Variants in ADARB2 observed in about 807,000 individuals in gnomAD.
ADARB2 encodes adenosine deaminase RNA specific B2 (inactive).
In ADARB2, 25 loss-of-function variants were observed where a neutral mutation model predicts 62.2. That is an observed-to-expected ratio of 0.40 (90% confidence interval 0.29 to 0.56). The LOEUF (loss-of-function observed/expected upper bound fraction) is 0.56. Among genes scored for constraint, ADARB2 ranks in the 20% least tolerant of loss-of-function variants. The pLI is 0.43. For missense variants in ADARB2, 1,071 were observed against 1,077.4 expected, an observed-to-expected ratio of 0.99 and a Z score of 0.08; for synonymous variants, 572 against 500.8, an observed-to-expected ratio of 1.14 and a Z score of -1.90.
At chr10:1,211,723 A>G (rs1410547492) in intron 7 of ADARB2, among the ~76,000 whole-genome samples, 1 of 152,204 alleles carries the variant, frequency 6.6e-6, no homozygotes, top group Non-Finnish European at 1.5e-5. Context: ...GAGGTCACTG[A>G]GCAGGTTTGG....
chr10:1,680,217 A>G (rs1375148380), intron 1 of ADARB2, among the ~76,000 whole-genome samples: 1 of 137,114 alleles, frequency 7.3e-6, no homozygotes, highest in Non-Finnish European at 1.6e-5. Context: ...AAACTGCCCT[A>G]CCTATTCTTT....
intron 1 of ADARB2, among the ~76,000 whole-genome samples, chr10:1,724,590 T>A (rs1835139691): frequency 6.6e-6 from 1 of 152,206 alleles, no homozygotes. Context: ...ATGCTCCTCA[T>A]TTCCATGGCC....
In ADARB2 at chr10:1,217,079, G is replaced by A; in HGVS notation, c.1554C>T (p.His518=). Residue 518 remains histidine, a synonymous_variant, in exon 7 of 10, where the codon CAC becomes CAT. Transcript: ENST00000381312. ...SKHLVRKFRG[H]LRTKIESGEG... The stretch of plus-strand genomic sequence containing the variant: ...CCCCGGACTCGATCTTGGTGCGCAG[G>A]TGCCCGCGGAACTTCCTGACGAGGT... 6.2e-7 allele frequency: 1 copy of A among 1,607,450 alleles called. No homozygotes were observed. The highest frequency in any genetic ancestry group is 8.5e-7 in the Non-Finnish European group (1 of 1,177,258).
intron 4 of ADARB2, among the ~76,000 whole-genome samples, chr10:1,266,959 G>T (rs1831210451): frequency 1.3e-5 from 2 of 152,114 alleles, no homozygotes; most frequent in South Asian, 4.1e-4. Context: ...TCGAGTAAAA[G>T]AATGAAGAGA....
chr10:1,500,708 G>A (rs367550853), intron 1 of ADARB2, among the ~76,000 whole-genome samples: 1 of 152,284 alleles, frequency 6.6e-6, no homozygotes, highest in East Asian at 1.9e-4. Flanking sequence ...TAGGTGGGCT[G>A]CATATTTAGA....
intron 4 of ADARB2, among the ~76,000 whole-genome samples, chr10:1,248,468 G>T (rs553078029): frequency 6.6e-6 from 1 of 152,258 alleles, no homozygotes; most frequent in African/African-American, 2.4e-5. Flanking sequence ...GGCGTGCGAC[G>T]TGTCAGTCAT....
In ADARB2 at chr10:1,187,794, C is replaced by T. The variant is rs540153427; in HGVS notation, c.1865-2755G>A. The T allele has an allele frequency of 6.7e-4, 266 of 396,328 alleles. 3 individuals are homozygous for T. Among genetic ancestry groups the T allele is most frequent in the African/African-American group, 4.7e-3 (233 of 49,110 alleles). The allele number at this position is 396,328 out of a possible 1,614,324, so 24.6% of individuals were successfully genotyped here. ...GGAGCTGGTGGGGCAGCGAGGGAGG[C>T]GCTGGCGGGTGGGCTGCGGGGTCGT... is the stretch of plus-strand genomic sequence containing the variant. On this transcript the variant is annotated intron_variant, in intron 8 of 9. Transcript: ENST00000381312.
chr10:1,571,161 CT>C (rs1340553262), intron 1 of ADARB2, among the ~76,000 whole-genome samples: 9 of 152,132 alleles, frequency 5.9e-5, no homozygotes, highest in African/African-American at 1.9e-4. Context: ...ACTCTAAAGT[CT>C]TTTCTTGAAG....
At chr10:1,457,419 GC>G (rs1831108399) in intron 1 of ADARB2, among the ~76,000 whole-genome samples, 1 of 152,082 alleles carries the variant, frequency 6.6e-6, no homozygotes, top group Admixed American at 6.5e-5. Context: ...TGCTCCTGGG[GC>G]CAGGCTTCTC....
chr10:1,732,544 A>G (rs1835247555), intron 1 of ADARB2, among the ~76,000 whole-genome samples: 1 of 152,340 alleles, frequency 6.6e-6, no homozygotes, highest in African/African-American at 2.4e-5. Flanking sequence ...ATTTTTAAAA[A>G]GAGAAAGGGG....
At chr10:1,204,047 G>A (rs778634251) in intron 7 of ADARB2, among the ~76,000 whole-genome samples, 4 of 152,104 alleles carry the variant, frequency 2.6e-5, no homozygotes, top group Admixed American at 6.5e-5. Flanking sequence ...TACCTTTCAC[G>A]GCATTGGAAG....
chr10:1,436,412 G>A (rs904462687), intron 1 of ADARB2, among the ~76,000 whole-genome samples: 2 of 152,306 alleles, frequency 1.3e-5, no homozygotes, highest in Admixed American at 1.3e-4. Context: ...AGCCGATAAT[G>A]TCTGCAGTTT....
chr10:1,639,373 G>T (rs981653707), intron 1 of ADARB2, among the ~76,000 whole-genome samples: 1 of 152,220 alleles, frequency 6.6e-6, no homozygotes, highest in East Asian at 1.9e-4. Flanking sequence ...AATGTCCCAG[G>T]GTCTTGGAAT....
At chr10:1,353,381 C>T (rs186145935) in intron 3 of ADARB2, among the ~76,000 whole-genome samples, 17 of 152,240 alleles carry the variant, frequency 1.1e-4, no homozygotes, top group African/African-American at 3.1e-4. Flanking sequence ...TTTCTTCCAG[C>T]GCCTACACAG....
At chr10:1,510,110 C>CTCCTTTCTT (rs1831908568) in intron 1 of ADARB2, among the ~76,000 whole-genome samples, 3 of 106,184 alleles carry the variant, frequency 2.8e-5, no homozygotes, top group Non-Finnish European at 5.7e-5. Context: ...CTTTCTTTCT[C>CTCCTTTCTT]TCTTTCTTTC....
At chr10:1,191,931 C>T (rs978402466) in intron 8 of ADARB2, among the ~76,000 whole-genome samples, 7 of 151,840 alleles carry the variant, frequency 4.6e-5, no homozygotes, top group Non-Finnish European at 8.8e-5. Flanking sequence ...CCTACCAGCA[C>T]TGCTTCAACT....
chr10:1,542,801 GCCCAGACCCCAC>G (rs1564323838), intron 1 of ADARB2, among the ~76,000 whole-genome samples: 1 of 118,106 alleles, frequency 8.5e-6, no homozygotes, highest in South Asian at 3.9e-4. Flanking sequence ...GATCACAGCC[GCCCAGACCCCAC>G]TCAGACGCAG....
intron 1 of ADARB2, among the ~76,000 whole-genome samples, chr10:1,643,562 A>G (rs1018973090): frequency 6.6e-6 from 1 of 152,174 alleles, no homozygotes; most frequent in African/African-American, 2.4e-5. Context: ...AGTATGGGGA[A>G]GTGAGTGAAT....
intron 2 of ADARB2, among the ~76,000 whole-genome samples, chr10:1,372,002 G>A (rs1284617244): frequency 6.6e-6 from 1 of 152,014 alleles, no homozygotes; most frequent in African/African-American, 2.4e-5. Flanking sequence ...TAAAAAAGAC[G>A]CCTGTACGTG....
Sources: allele counts gnomAD v4.1 joint callset (sites outside exome capture counted in the v4.1 genomes callset), GRCh38; gene constraint gnomAD v4.1.1; transcripts MANE v1.5; gene names NCBI Gene and HGNC (gene_info 2026-07-23, HGNC 2026-07-21).